TMEM170A: variants seen among roughly 807,000 people sequenced by gnomAD.
TMEM170A encodes the protein transmembrane protein 170.
TMEM170A carries 18 observed loss-of-function variants against 12.8 expected under a neutral mutation model. The observed-to-expected ratio is 1.41, with a 90% confidence interval of 0.97 to 2.09. The LOEUF is 2.09. Ranked by LOEUF, TMEM170A falls within the 30% of genes most tolerant of loss-of-function variation. The pLI, the probability that TMEM170A is intolerant of heterozygous loss-of-function variation, is 0.00. For synonymous variants in TMEM170A, 107 were observed against 76.2 expected (o/e 1.40, Z -2.11); for missense variants, 220 against 179.9 (o/e 1.22, Z -1.28).
intron 2 of TMEM170A, among the ~76,000 whole-genome samples, chr16:75,450,741 C>A (rs1287068274): frequency 6.6e-6 from 1 of 152,150 alleles, no homozygotes; most frequent in Non-Finnish European, 1.5e-5. Context: ...TGCAGCCCAG[C>A]CTGGACCTCC....
At chr16:75,464,723 A>C, upstream of TMEM170A, 34 of 1,319,874 alleles carry the variant, frequency 2.6e-5, no homozygotes, top group Non-Finnish European at 3.0e-5. Flanking sequence ...CCCAATCCCA[A>C]CGGCGCTGCC....
Position 75,444,687 on chromosome 16 carries a change from A to G in TMEM170A, c.*2871T>C, listed in dbSNP as rs1354080830. ...TTTCCCTGAAAACATTTCAAGCTAC[A>G]CCGCTCAAGCTATTTAAAATCTATA... On this transcript the variant is annotated 3_prime_UTR_variant, in exon 3 of 3. Transcript: ENST00000561878. The G allele has an allele frequency of 6.6e-6, 1 of 151,660 alleles. No individual in the cohort carries two copies. Among genetic ancestry groups the G allele is most frequent in the African/African-American group, 2.4e-5 (1 of 41,206 alleles). 9.4% of individuals were successfully genotyped at this position (151,660 alleles called of 1,614,324 possible).
chr16:75,448,259 C>G lies in TMEM170A; in HGVS notation c.305-571G>C, dbSNP rs2079622158. The stretch of plus-strand genomic sequence containing the variant: ...CTAAGCCATAAAGTTGTTATTCATT[C>G]ACAGGGCATGAGAGGAGAGATACTC... On this transcript the variant is annotated intron_variant, in intron 2 of 2. Coordinates refer to ENST00000561878, the MANE Select transcript of TMEM170A (RefSeq NM_145254.3). 2.0e-5 allele frequency among the ~76,000 whole-genome samples: 3 copies of G among 152,298 alleles called. No individual in the cohort carries two copies. In the South Asian group the frequency reaches 6.2e-4, roughly 32 times the overall value.
intron 1 of TMEM170A, chr16:75,460,122 T>C (rs759839615): frequency 2.6e-5 from 4 of 152,790 alleles, no homozygotes; most frequent in Non-Finnish European, 5.8e-5. Context: ...CTCACCTCAG[T>C]GGTCTCTGCA....
chr16:75,448,439 C>A, intron 2 of TMEM170A, among the ~76,000 whole-genome samples: 1 of 152,136 alleles, frequency 6.6e-6, no homozygotes, highest in East Asian at 1.9e-4. Context: ...AGGAAGTGTA[C>A]CAAGAAAGTT....
rs1231366422 is a variant in TMEM170A, at chr16:75,445,151, G to C, written c.*2407C>G. 1.3e-5 allele frequency: 2 copies of C among 152,008 alleles called. No homozygotes were observed. The highest frequency in any genetic ancestry group is 2.9e-5 in the Non-Finnish European group (2 of 68,030). The allele number at this position is 152,008 out of a possible 1,614,324, so 9.4% of individuals were successfully genotyped here. A position where few individuals can be genotyped will look rare whatever the true frequency, so the allele number is the denominator to read the frequency against. On this transcript the variant is annotated 3_prime_UTR_variant, in exon 3 of 3. Coordinates refer to ENST00000561878, the MANE Select transcript of TMEM170A (RefSeq NM_145254.3). Reference sequence around the variant, plus strand: ...TGAAGGGATACTTTTGAAAATCACAGCTCTTTAAACAAAAAACTAGAATTT... The same window carrying C: ...TGAAGGGATACTTTTGAAAATCACACCTCTTTAAACAAAAAACTAGAATTT...
intron 2 of TMEM170A, among the ~76,000 whole-genome samples, chr16:75,450,110 G>A (rs1310782514): frequency 6.6e-6 from 1 of 151,178 alleles, no homozygotes; most frequent in African/African-American, 2.4e-5. Context: ...CAGTCATCCT[G>A]GGGCAGAGGG....
intron 1 of TMEM170A, among the ~76,000 whole-genome samples, chr16:75,457,141 G>C (rs1248574022): frequency 2.0e-5 from 3 of 152,088 alleles, no homozygotes; most frequent in Non-Finnish European, 4.4e-5. Context: ...CTGCTATCCA[G>C]GGCTTCTGCT....
At chr16:75,457,044 G>A (rs775604740) in intron 1 of TMEM170A, among the ~76,000 whole-genome samples, 2 of 152,222 alleles carry the variant, frequency 1.3e-5, no homozygotes, top group Admixed American at 6.5e-5. Context: ...GTGGACAAAT[G>A]GGATGCAAAC....
chr16:75,458,446 G>A (rs903334261), intron 1 of TMEM170A: 1 of 152,238 alleles, frequency 6.6e-6, no homozygotes, highest in Non-Finnish European at 1.5e-5. Context: ...TGTAATCACA[G>A]GGTCTTTGTA....
At chr16:75,459,821 C>T (rs774433774) in intron 1 of TMEM170A, 17 of 152,224 alleles carry the variant, frequency 1.1e-4, no homozygotes, top group Non-Finnish European at 1.9e-4. Context: ...CACACCATTG[C>T]ACTCCAGCCT....
In TMEM170A at chr16:75,445,780, A is replaced by G. The variant is rs952263877; in HGVS notation, c.*1778T>C. 6.6e-6 allele frequency: 1 copy of G among 151,916 alleles called. No individual in the cohort carries two copies. The highest frequency in any genetic ancestry group is 1.5e-5 in the Non-Finnish European group (1 of 67,990). 9.4% of individuals were successfully genotyped at this position (151,916 alleles called of 1,614,324 possible). A position where few individuals can be genotyped will look rare whatever the true frequency, so the allele number is the denominator to read the frequency against. On this transcript the variant is annotated 3_prime_UTR_variant, in exon 3 of 3. Transcript: ENST00000561878. The stretch of plus-strand genomic sequence containing the variant: ...TCTCCTCCTGGCTATTTTTAATCAG[A>G]AGCCAGAGTGTGTATTGCTTTAAAT...
At position 75,448,852 on chromosome 16, in the gene TMEM170A, A is replaced by G. The variant is rs374453460; in HGVS notation, c.305-1164T>C. Among the ~76,000 whole-genome samples, 3 of 152,182 alleles carry G rather than the reference A, an allele frequency of 2.0e-5. No individual in the cohort carries two copies. In the East Asian group the frequency reaches 5.8e-4, roughly 29 times the overall value. On this transcript the variant is annotated intron_variant, in intron 2 of 2. Coordinates refer to ENST00000561878, the MANE Select transcript of TMEM170A (RefSeq NM_145254.3). ...CGAGGCAGGAGGATCGCTTGAGCCCAGGAGTTTGAGACCATCCTGGGTAAC... is the reference window on the plus strand; with the variant it reads ...CGAGGCAGGAGGATCGCTTGAGCCCGGGAGTTTGAGACCATCCTGGGTAAC...
In TMEM170A at chr16:75,447,590, C is replaced by A. The variant is rs2079609771; in HGVS notation, c.403G>T (p.Val135Phe). 1.2e-6 allele frequency: 2 copies of A among 1,612,528 alleles called. No homozygotes were observed. Among genetic ancestry groups the A allele is most frequent in the Non-Finnish European group, 1.7e-6 (2 of 1,179,380 alleles). The change falls in exon 3 of 3, where the codon GTC becomes TTC. Residue 135 changes from valine (V) to phenylalanine (F), a missense_variant. Physicochemically the swap from Val to Phe is conservative, Grantham distance 50 (BLOSUM62 -1). Transcript: ENST00000561878. ...GTAGCTAAAATCCGTAAAAAGGAGACCACCAAGACGCAAAATGTCTGTCCA... is the reference window on the plus strand; with the variant it reads ...GTAGCTAAAATCCGTAAAAAGGAGAACACCAAGACGCAAAATGTCTGTCCA... ...GTGQTFCVLV[V>F]SFLRILATL
rs1377714802 is a variant in TMEM170A, at chr16:75,447,059, C to G, written c.*499G>C. 1 of 152,112 alleles carries G rather than the reference C, an allele frequency of 6.6e-6. No homozygotes were observed. The highest frequency in any genetic ancestry group is 2.1e-4 in the South Asian group (1 of 4,830). The allele number at this position is 152,112 out of a possible 1,614,324, so 9.4% of individuals were successfully genotyped here. A position where few individuals can be genotyped will look rare whatever the true frequency, so the allele number is the denominator to read the frequency against. ...TATTTCACCAAATTTGTTTTCAAAA[C>G]TATACTCAACCAAAACCTATTTGGC... On this transcript the variant is annotated 3_prime_UTR_variant, in exon 3 of 3. Coordinates refer to ENST00000561878, the MANE Select transcript of TMEM170A (RefSeq NM_145254.3).
intron 1 of TMEM170A, among the ~76,000 whole-genome samples, chr16:75,459,175 T>C (rs1448543668): frequency 1.3e-5 from 2 of 152,232 alleles, no homozygotes; most frequent in East Asian, 3.9e-4. Flanking sequence ...ATTACAGGCA[T>C]GAGCCACTGT....
At chr16:75,454,772 G>T (rs1055595482) in intron 1 of TMEM170A, among the ~76,000 whole-genome samples, 2 of 152,196 alleles carry the variant, frequency 1.3e-5, no homozygotes, top group Admixed American at 6.5e-5. Context: ...CGGTTGTCAT[G>T]ACATTATTCC....
At chr16:75,453,473 T>A (rs979479172) in intron 1 of TMEM170A, among the ~76,000 whole-genome samples, 5 of 152,122 alleles carry the variant, frequency 3.3e-5, no homozygotes, top group African/African-American at 9.7e-5. Context: ...ACAAAAATAA[T>A]TCCCCCATAA....
At position 75,446,260 on chromosome 16, in the gene TMEM170A, T is replaced by C. The variant is rs997226279; in HGVS notation, c.*1298A>G. The C allele has an allele frequency of 6.6e-6, 1 of 152,104 alleles. No individual in the cohort carries two copies. The highest frequency in any genetic ancestry group is 1.5e-5 in the Non-Finnish European group (1 of 68,028). 9.4% of individuals were successfully genotyped at this position (152,104 alleles called of 1,614,324 possible). The stretch of plus-strand genomic sequence containing the variant: ...ACCACCACCACTACCACCACACTGA[T>C]TGTATTCCATACAAAACAGTTTAGG... On this transcript the variant is annotated 3_prime_UTR_variant, in exon 3 of 3. Transcript: ENST00000561878.
Sources: gnomAD v4.1 joint callset for allele counts (sites outside exome capture counted in the v4.1 genomes callset) on GRCh38, gnomAD v4.1.1 for gene constraint, MANE v1.5 for transcripts, NCBI Gene and HGNC (gene_info 2026-07-23, HGNC 2026-07-21) for gene names.